The following BPTF variants were observed in gnomAD, a reference collection of about 807,000 sequenced individuals.
BPTF encodes the protein bromodomain PHD finger transcription factor.
BPTF carries 18 observed loss-of-function variants against 292.5 expected under a neutral mutation model. The observed-to-expected ratio is 0.06, with a 90% confidence interval of 0.04 to 0.09. BPTF has a LOEUF of 0.09. BPTF is among the 10% of genes least tolerant of loss of function. The pLI is 1.00. For synonymous variants in BPTF, 1,225 were observed against 1,251.9 expected (o/e 0.98, Z 0.45); for missense variants, 2,726 against 3,498.7 (o/e 0.78, Z 5.57).
chr17:67,940,646 C>T lies in BPTF; in HGVS notation c.6467C>T (p.Thr2156Ile). 8 of 1,613,218 alleles carry T rather than the reference C, an allele frequency of 5.0e-6. No individual in the cohort carries two copies. Among genetic ancestry groups the T allele is most frequent in the Non-Finnish European group, 6.8e-6 (8 of 1,179,156 alleles). The stretch of plus-strand genomic sequence containing the variant: ...ACCATGGCTCAACTTACTCAGTTAA[C>T]ACAGGGCCACGTAAGTAACATAAGC... ...KLTMAQLTQL[T>I]QGHGGNQGLT... Residue 2156 changes from threonine (T) to isoleucine (I), a missense_variant, in exon 19 of 28, where the codon ACA becomes ATA. Thr to Ile is a moderately conservative substitution (Grantham distance 89). Around this residue, in one of 22 missense-constraint regions of BPTF, gnomAD observed 570 missense variants for 633.5 expected, o/e 0.90. Transcript: ENST00000306378.
intron 9 of BPTF, among the ~76,000 whole-genome samples, chr17:67,909,064 A>G (rs1161072246): frequency 2.7e-5 from 4 of 148,644 alleles, no homozygotes; most frequent in Non-Finnish European, 3.0e-5. Context: ...CAAACTCCTG[A>G]CCTCAGGTGA....
At chr17:67,835,758 C>T (rs1354828277) in intron 1 of BPTF, among the ~76,000 whole-genome samples, 6 of 151,902 alleles carry the variant, frequency 3.9e-5, no homozygotes, top group East Asian at 1.9e-4. Flanking sequence ...CTCTGCCTCC[C>T]GGGTTCACGC....
In BPTF at chr17:67,982,831, CTT is replaced by C. The variant is rs1555697481; in HGVS notation, c.*546_*547del. ...AAAGTACAAGACGACCTCTAGATGTCTTTTCTTTCTATGAAAGGAGCTGCTAT... is the reference window on the plus strand; with the variant it reads ...AAAGTACAAGACGACCTCTAGATGTCTTCTTTCTATGAAAGGAGCTGCTAT... On this transcript the variant is annotated 3_prime_UTR_variant, in exon 28 of 28. Transcript: ENST00000306378. 6.5e-6 allele frequency: 1 copy of C among 152,786 alleles called. No individual in the cohort carries two copies. The highest frequency in any genetic ancestry group is 1.5e-5 in the Non-Finnish European group (1 of 68,234). The allele number at this position is 152,786 out of a possible 1,614,324, so 9.5% of individuals were successfully genotyped here. A position where few individuals can be genotyped will look rare whatever the true frequency, so the allele number is the denominator to read the frequency against.
Position 67,924,576 on chromosome 17 carries a change from A to C in BPTF, c.5738A>C (p.Glu1913Ala). Residue 1913 changes from glutamate (E) to alanine (A), a missense_variant, in exon 15 of 28, where the codon GAG becomes GCG. By Grantham distance (107) the Glu-to-Ala change is moderately radical (BLOSUM62 -1). Transcript: ENST00000306378. ...GAGAAAGAAAAGGCACAAGCAGTTGAGCAACAGGCTAAGGTTAGTGAACAG... is the reference window on the plus strand; with the variant it reads ...GAGAAAGAAAAGGCACAAGCAGTTGCGCAACAGGCTAAGGTTAGTGAACAG... ...RVEKEKAQAV[E>A]QQAKKRLEQQ... 1 of 1,613,800 alleles carries C rather than the reference A, an allele frequency of 6.2e-7. No homozygotes were observed. The highest frequency in any genetic ancestry group is 8.5e-7 in the Non-Finnish European group (1 of 1,179,942).
At chr17:67,838,634 G>T (rs1228234519) in intron 1 of BPTF, among the ~76,000 whole-genome samples, 1 of 152,112 alleles carries the variant, frequency 6.6e-6, no homozygotes, top group Non-Finnish European at 1.5e-5. Flanking sequence ...TCGCTGCCAT[G>T]CCTGGCTAGT....
At chr17:67,845,850 G>T (rs557998478) in intron 1 of BPTF, among the ~76,000 whole-genome samples, 1 of 150,464 alleles carries the variant, frequency 6.6e-6, no homozygotes, top group African/African-American at 2.4e-5. Flanking sequence ...AGAAAAACAG[G>T]GGATCTTTAT....
intron 3 of BPTF, among the ~76,000 whole-genome samples, chr17:67,869,557 A>C (rs2059583086): frequency 6.6e-6 from 1 of 152,216 alleles, no homozygotes; most frequent in Non-Finnish European, 1.5e-5. Flanking sequence ...CAACTGGATC[A>C]GGTTTTATCA....
intron 18 of BPTF, among the ~76,000 whole-genome samples, chr17:67,933,343 G>C (rs1312735363): frequency 6.6e-6 from 1 of 152,058 alleles, no homozygotes; most frequent in African/African-American, 2.4e-5. Flanking sequence ...GCTGAGGCAA[G>C]AGGATCACTT....
chr17:67,968,930 G>A (rs1400985998), intron 26 of BPTF, among the ~76,000 whole-genome samples: 1 of 150,988 alleles, frequency 6.6e-6, no homozygotes, highest in South Asian at 2.1e-4. Flanking sequence ...GCATTGAGCC[G>A]AGATCGCGCC....
intron 1 of BPTF, among the ~76,000 whole-genome samples, chr17:67,851,209 A>G (rs7212293): frequency 0.34 from 51,470 of 151,194 alleles, 11,069 homozygotes; most frequent in East Asian, 0.67. Context: ...GTCCAGTCAC[A>G]AGGGGCCTTC....
intron 3 of BPTF, among the ~76,000 whole-genome samples, chr17:67,874,029 T>TGGATGGATGGATG (rs398119969): frequency 1.6e-4 from 24 of 152,132 alleles, no homozygotes; most frequent in African/African-American, 4.8e-4. Flanking sequence ...GATGGATGGA[T>TGGATGGATGGATG]ATGTGTCAAA....
At chr17:67,837,294 A>G (rs2057206585) in intron 1 of BPTF, among the ~76,000 whole-genome samples, 1 of 152,192 alleles carries the variant, frequency 6.6e-6, no homozygotes, top group Non-Finnish European at 1.5e-5. Flanking sequence ...TCTGTAGGGT[A>G]GATTCCTAGG....
chr17:67,921,235 AGAAAT>A (rs1401425317), intron 13 of BPTF, among the ~76,000 whole-genome samples: 1 of 142,202 alleles, frequency 7.0e-6, no homozygotes, highest in Non-Finnish European at 1.5e-5. Flanking sequence ...AAAAAAAAAA[AGAAAT>A]ACAGGCCAGG....
chr17:67,846,476 G>A (rs1488570107), intron 1 of BPTF, among the ~76,000 whole-genome samples: 1 of 152,138 alleles, frequency 6.6e-6, no homozygotes, highest in Non-Finnish European at 1.5e-5. Flanking sequence ...TGGTAGCCAC[G>A]AGACACATGG....
intron 4 of BPTF, among the ~76,000 whole-genome samples, chr17:67,877,182 C>T (rs1197149416): frequency 6.6e-6 from 1 of 152,212 alleles, no homozygotes; most frequent in East Asian, 1.9e-4. Context: ...GGAGATGTAT[C>T]AGTGACCAAA....
intron 23 of BPTF, chr17:67,956,513 T>C: frequency 6.6e-6 from 1 of 152,018 alleles, no homozygotes; most frequent in Non-Finnish European, 1.5e-5. Flanking sequence ...AGATGGTGTT[T>C]CGCCACGTTG....
intron 7 of BPTF, among the ~76,000 whole-genome samples, chr17:67,896,775 A>G (rs923244943): frequency 1.3e-5 from 2 of 152,248 alleles, no homozygotes; most frequent in African/African-American, 2.4e-5. Context: ...TACTACATAC[A>G]TTGAAATTTG....
chr17:67,944,033 C>G (rs1341605284), intron 19 of BPTF, 117 bp from the exon 20 acceptor site: 1 of 809,448 alleles, frequency 1.2e-6, no homozygotes, highest in African/African-American at 1.8e-5. Context: ...TGGTGACATT[C>G]AAATATGTAT....
chr17:67,827,050 A>G (rs1201532457), intron 1 of BPTF, among the ~76,000 whole-genome samples: 1 of 152,238 alleles, frequency 6.6e-6, no homozygotes, highest in African/African-American at 2.4e-5. Flanking sequence ...AAATTTGGTT[A>G]TTCATCCGAT....
Sources: gnomAD v4.1 joint callset for allele counts (sites outside exome capture counted in the v4.1 genomes callset) on GRCh38, gnomAD v4.1.1 for gene constraint, gnomAD v4.1.1 regional missense constraint, MANE v1.5 for transcripts, NCBI Gene and HGNC (gene_info 2026-07-23, HGNC 2026-07-21) for gene names.